The following PRKCZ variants were observed in gnomAD, a reference collection of about 807,000 sequenced individuals.
The protein encoded by PRKCZ is protein kinase C zeta type.
PRKCZ carries 33 observed loss-of-function variants against 79.5 expected under a neutral mutation model. The ratio of observed to expected loss-of-function variants is 0.41; its 90% CI spans 0.31 to 0.55. PRKCZ has a LOEUF of 0.55. Ranked by LOEUF, PRKCZ falls within the 20% of genes least tolerant of loss-of-function variation. The pLI is 0.19. For synonymous variants in PRKCZ, 342 were observed against 320.9 expected (o/e 1.07, Z -0.70); for missense variants, 578 against 813.5 (o/e 0.71, Z 3.52).
rs550765602 is a variant in PRKCZ, at chr1:2,155,102, A to C, written c.877-893A>C. Among the ~76,000 whole-genome samples the C allele has an allele frequency of 3.3e-5, 5 of 152,258 alleles. No homozygotes were observed. The South Asian group carries it at 1.0e-3, about 32-fold the overall frequency. ...AGCTTTGGTGATCGTGGTGAAGATGATGGTGATGATGATGGTGACAATGAT... is the reference window on the plus strand; with the variant it reads ...AGCTTTGGTGATCGTGGTGAAGATGCTGGTGATGATGATGGTGACAATGAT... On this transcript the variant is annotated intron_variant, in intron 9 of 17. Transcript: ENST00000378567.
chr1:2,172,321 C>T lies in PRKCZ; in HGVS notation c.1218C>T (p.Asp406=). The T allele has an allele frequency of 1.2e-6, 2 of 1,613,646 alleles. No individual in the cohort carries two copies. The highest frequency in any genetic ancestry group is 1.7e-6 in the Non-Finnish European group (2 of 1,180,014). Reference sequence around the variant, plus strand: ...CACAGGAAGGCCTGGGCCCTGGTGACACAACGAGCACTTTCTGCGGAACCC... The same window carrying T: ...CACAGGAAGGCCTGGGCCCTGGTGATACAACGAGCACTTTCTGCGGAACCC... ...GMCKEGLGPG[D]TTSTFCGTPN... is the part of the protein sequence containing the mutation. The change falls in exon 13 of 18, where the codon GAC becomes GAT. Residue 406 remains aspartate, a synonymous_variant. Transcript: ENST00000378567. The surrounding 1 kb of genome is among the most constrained non-coding windows in gnomAD (Gnocchi z 7.8).
At position 2,059,555 on chromosome 1, in the gene PRKCZ, C is replaced by T; in HGVS notation, c.298C>T (p.Pro100Ser). The change falls in exon 4 of 18, where the codon CCT (proline) becomes TCT (serine). Residue 100 changes from proline to serine, a missense_variant. Pro to Ser is a moderately conservative substitution (Grantham distance 74). This residue lies in a region of PRKCZ where 228 missense variants were observed against 211.6 expected (regional missense o/e 1.08). Transcript: ENST00000378567. ...GLIIHVFPST[P>S]EQPGLPCPGE... ...CTCTTGTCCAGTTTTCCCGAGCACC[C>T]CTGAGCAGCCTGGCCTGCCATGTCC... The T allele has an allele frequency of 6.2e-7, 1 of 1,614,216 alleles. No individual in the cohort carries two copies. Among genetic ancestry groups the T allele is most frequent in the East Asian group, 2.2e-5 (1 of 44,884 alleles).
rs114662661 is a variant in PRKCZ at position 2,106,116 on chromosome 1, C to T, written c.335-29146C>T. On this transcript the variant is annotated intron_variant, in intron 4 of 17. Coordinates refer to ENST00000378567, the MANE Select transcript of PRKCZ (RefSeq NM_002744.6). ...GCCCAGGACTTCGATGGGGTGTCCC[C>T]CCAGCCCCCTGTGGCTGATGGAGCA... Among the ~76,000 whole-genome samples, 1,028 of 152,322 alleles carry T rather than the reference C, an allele frequency of 6.7e-3. 10 individuals are homozygous for T. Among genetic ancestry groups the T allele is most frequent in the African/African-American group, 0.024 (991 of 41,572 alleles).
intron 5 of PRKCZ, among the ~76,000 whole-genome samples, chr1:2,136,942 T>C (rs774085304): frequency 1.3e-5 from 2 of 152,026 alleles, no homozygotes; most frequent in African/African-American, 2.4e-5. Context: ...ATGGGATGCA[T>C]GTACATGAAA....
Position 2,164,882 on chromosome 1 carries a change from C to T in PRKCZ, c.975-4636C>T, listed in dbSNP as rs539180420. On this transcript the variant is annotated intron_variant, in intron 10 of 17. Coordinates refer to ENST00000378567, the MANE Select transcript of PRKCZ (RefSeq NM_002744.6). The stretch of plus-strand genomic sequence containing the variant: ...GGCTGGGTGTTCTCACCCAGTCCCA[C>T]GGCTGCACCCTGCCTTGCCTTCTCC... Among the ~76,000 whole-genome samples, 250 of 152,274 alleles carry T rather than the reference C, an allele frequency of 1.6e-3. 1 individual carries two copies. Among genetic ancestry groups the T allele is most frequent in the African/African-American group, 5.7e-3 (236 of 41,552 alleles).
rs1557741926 is a variant in PRKCZ, at chr1:2,174,928, G to A, written c.1485+95G>A. ...GGCTGTTGGCCATTTTTTCATGTCG[G>A]CTGCTGTGTATCGGGTGTGTGGGTT... On this transcript the variant is annotated intron_variant, in intron 15 of 17. Transcript: ENST00000378567. The surrounding 1 kb of genome is among the most constrained non-coding windows in gnomAD (Gnocchi z 6.2). The A allele has an allele frequency of 7.7e-7, 1 of 1,300,354 alleles. No individual in the cohort carries two copies. 80.6% of individuals were successfully genotyped at this position (1,300,354 alleles called of 1,614,324 possible). A position where few individuals can be genotyped will look rare whatever the true frequency, so the allele number is the denominator to read the frequency against.
At chr1:2,051,555 T>A (rs192429931) in intron 1 of PRKCZ, among the ~76,000 whole-genome samples, 1 of 152,296 alleles carries the variant, frequency 6.6e-6, no homozygotes, top group African/African-American at 2.4e-5. Context: ...GGGAGCAGAA[T>A]GCGGGCTCCG....
intron 1 of PRKCZ, among the ~76,000 whole-genome samples, chr1:2,051,735 A>G (rs573559808): frequency 2.0e-5 from 3 of 152,036 alleles, no homozygotes; most frequent in South Asian, 2.1e-4. Flanking sequence ...GGGGGTCTCT[A>G]TGGTGCCCTG....
intron 4 of PRKCZ, among the ~76,000 whole-genome samples, chr1:2,070,507 C>T (rs1393516676): frequency 6.6e-6 from 1 of 152,192 alleles, no homozygotes; most frequent in Non-Finnish European, 1.5e-5. Flanking sequence ...GCTCCAAGGC[C>T]ATTTCTACTT....
At chr1:2,111,894 G>A (rs1281115793) in intron 4 of PRKCZ, 1 of 152,258 alleles carries the variant, frequency 6.6e-6, no homozygotes, top group Non-Finnish European at 1.5e-5. Flanking sequence ...TCACCCATGT[G>A]GGAGAGACGG....
chr1:2,057,556 A>G (rs1660282422), intron 3 of PRKCZ, among the ~76,000 whole-genome samples: 1 of 152,114 alleles, frequency 6.6e-6, no homozygotes, highest in African/African-American at 2.4e-5. Flanking sequence ...CGCCCTTTAT[A>G]TCAATGAGGC....
intron 4 of PRKCZ, among the ~76,000 whole-genome samples, chr1:2,115,047 C>T (rs1670478014): frequency 6.6e-6 from 1 of 152,284 alleles, no homozygotes; most frequent in African/African-American, 2.4e-5. Context: ...GCCACCCCCA[C>T]ACCCCGAGGT....
chr1:2,074,120 G>GCGTGCGGCTGCAGCAGCTC, intron 4 of PRKCZ: 1 of 1,523,218 alleles, frequency 6.6e-7, no homozygotes, highest in South Asian at 1.2e-5. Flanking sequence ...CCCGGGGAAG[G>GCGTGCGGCTGCAGCAGCTC]CGTGCGGCTG....
chr1:2,144,484 G>T, intron 6 of PRKCZ, 143 bp downstream of exon 6: 1 of 1,452,700 alleles, frequency 6.9e-7, no homozygotes, highest in South Asian at 1.4e-5. Context: ...TGCAGCGTGA[G>T]ACTCAGGCGG....
intron 5 of PRKCZ, among the ~76,000 whole-genome samples, chr1:2,136,561 C>G (rs1302954508): frequency 1.3e-5 from 2 of 152,090 alleles, no homozygotes; most frequent in Non-Finnish European, 1.5e-5. Flanking sequence ...CTGGGAGGCC[C>G]TGAGGACGAG....
chr1:2,175,071 G>A (rs1182931901), intron 15 of PRKCZ, among the ~76,000 whole-genome samples, 153 bp from the exon 16 acceptor site: 1 of 152,136 alleles, frequency 6.6e-6, no homozygotes, highest in African/African-American at 2.4e-5. Context: ...GTACGGGGAA[G>A]GAACTTTCAA....
chr1:2,097,045 C>T (rs1401625623), intron 4 of PRKCZ, among the ~76,000 whole-genome samples: 5 of 152,224 alleles, frequency 3.3e-5, no homozygotes, highest in Non-Finnish European at 7.3e-5. Flanking sequence ...ACGGAGCTGA[C>T]GCTCAGGCCA....
chr1:2,081,663 C>T (rs768938975), intron 4 of PRKCZ, among the ~76,000 whole-genome samples: 54 of 152,196 alleles, frequency 3.5e-4, no homozygotes, highest in South Asian at 2.5e-3. Flanking sequence ...GTCGGGGCTG[C>T]GGTTGGGGGA....
chr1:2,155,766 C>T (rs993653407), intron 9 of PRKCZ, among the ~76,000 whole-genome samples: 11 of 144,754 alleles, frequency 7.6e-5, no homozygotes, highest in Admixed American at 3.4e-4. Flanking sequence ...AGTGGTGTGA[C>T]GGTGGTGATG....
Sources: allele counts gnomAD v4.1 joint callset (sites outside exome capture counted in the v4.1 genomes callset), GRCh38; gene constraint gnomAD v4.1.1; regional missense constraint gnomAD v4.1.1; non-coding constraint Gnocchi (gnomAD v3.1); transcripts MANE v1.5; gene names NCBI Gene and HGNC (gene_info 2026-07-23, HGNC 2026-07-21).